The following ICE1 variants were observed in gnomAD, a reference collection of about 807,000 sequenced individuals.
The protein encoded by ICE1 is interactor of little elongation complex ELL subunit 1, also known as little elongation complex subunit 1.
A neutral mutation model predicts 192.7 loss-of-function variants in ICE1; 64 were observed. The ratio of observed to expected loss-of-function variants is 0.33; its 90% CI spans 0.27 to 0.41. The LOEUF (loss-of-function observed/expected upper bound fraction) is 0.41. Ranked by LOEUF, ICE1 falls within the 10% of genes least tolerant of loss-of-function variation. The pLI is 1.00. For missense variants in ICE1, 2,708 were observed against 2,696.0 expected (o/e 1.00, Z -0.10); for synonymous variants, 1,010 against 984.5 (o/e 1.03, Z -0.49).
Position 5,461,264 on chromosome 5 carries a change from A to C in ICE1, c.1930A>C (p.Asn644His). 6.2e-7 allele frequency: 1 copy of C among 1,613,928 alleles called. No homozygotes were observed. The highest frequency in any genetic ancestry group is 8.5e-7 in the Non-Finnish European group (1 of 1,179,848). Residue 644 changes from asparagine to histidine, a missense_variant, in exon 13 of 19, where the codon AAT (asparagine) becomes CAT (histidine). This residue lies in a region of ICE1 where 2,366 missense variants were observed against 2,276.6 expected (regional missense o/e 1.04). Coordinates refer to ENST00000296564, the MANE Select transcript of ICE1 (RefSeq NM_015325.3). ...CTTGGTAGCATTGTCTGTTGGCAGT[A>C]ATCCCCAGTCTTCTTCTGGGTTAGA... The part of the protein sequence containing the change: ...STLVALSVGS[N>H]PQSSSGLDCG...
At position 5,461,506 on chromosome 5, in the gene ICE1, A is replaced by G. The variant is rs72646681; in HGVS notation, c.2172A>G (p.Glu724=). 2,077 of 1,613,724 alleles carry G rather than the reference A, an allele frequency of 1.3e-3. 1 individual carries two copies. Among genetic ancestry groups the G allele is most frequent in the Non-Finnish European group, 1.6e-3 (1,943 of 1,179,750 alleles). The change falls in exon 13 of 19, where the codon GAA becomes GAG. Residue 724 remains glutamate (E), a synonymous_variant. Coordinates refer to ENST00000296564, the MANE Select transcript of ICE1 (RefSeq NM_015325.3). ...ATGATCAGAAGAGCAGTGGGATAGA[A>G]TATACAAAAGTAGTAAAAGGCTTGA... ...NFNDQKSSGI[E]YTKVVKGLTK...
intron 12 of ICE1, among the ~76,000 whole-genome samples, 189 bp downstream of exon 12, chr5:5,457,930 C>T (rs952690952): frequency 2.0e-5 from 3 of 152,130 alleles, no homozygotes; most frequent in African/African-American, 7.2e-5. Context: ...ATAATATGTA[C>T]TTTTTCACTT....
chr5:5,461,404 G>T lies in ICE1; in HGVS notation c.2070G>T (p.Pro690=). Residue 690 remains proline, a synonymous_variant, in exon 13 of 19, where the codon CCG becomes CCT. Transcript: ENST00000296564. ...LNTLHLQSEP[P]ECSIGGNNLE... ...CATTACATCTGCAGTCTGAGCCACC[G>T]GAGTGTTCTATAGGAGGAAACAACT... 1 of 1,613,962 alleles carries T rather than the reference G, an allele frequency of 6.2e-7. No individual in the cohort carries two copies. Among genetic ancestry groups the T allele is most frequent in the Non-Finnish European group, 8.5e-7 (1 of 1,179,888 alleles).
chr5:5,444,270 T>A lies in ICE1; in HGVS notation c.387-19T>A. On this transcript the variant is annotated intron_variant, in intron 6 of 18. Transcript: ENST00000296564. The stretch of plus-strand genomic sequence containing the variant: ...ATTCTCTCTTTCTTGCCATTTAACT[T>A]ACACAATTTCGTTATTAGGAAGAAG... 1 of 1,542,228 alleles carries A rather than the reference T, an allele frequency of 6.5e-7. No homozygotes were observed. Among genetic ancestry groups the A allele is most frequent in the Non-Finnish European group, 8.8e-7 (1 of 1,135,796 alleles).
Position 5,461,131 on chromosome 5 carries a change from T to C in ICE1, c.1797T>C (p.Thr599=), listed in dbSNP as rs1336196574. The stretch of plus-strand genomic sequence containing the variant: ...AATTGGAAAAGGAAAAAGAAGATAC[T>C]CAAGGGTTCACTTTAGGAGAATCAC... ...SRELEKEKED[T]QGFTLGESPE... The change falls in exon 13 of 19, where the codon ACT becomes ACC. Residue 599 remains threonine, a synonymous_variant. Transcript: ENST00000296564. 1 of 1,614,020 alleles carries C rather than the reference T, an allele frequency of 6.2e-7. No individual in the cohort carries two copies. The highest frequency in any genetic ancestry group is 8.5e-7 in the Non-Finnish European group (1 of 1,179,898).
intron 4 of ICE1, among the ~76,000 whole-genome samples, chr5:5,440,674 T>G (rs1378791981): frequency 2.0e-5 from 3 of 152,112 alleles, no homozygotes; most frequent in African/African-American, 7.2e-5. Flanking sequence ...TTTTTTTAAT[T>G]AGCCAGCTGT....
chr5:5,444,197 T>C, intron 6 of ICE1, 92 bp from the exon 7 acceptor site: 1 of 773,968 alleles, frequency 1.3e-6, no homozygotes, highest in Non-Finnish European at 2.2e-6. Flanking sequence ...TACAAATATT[T>C]GTAATTTAAA....
rs749483627 is a variant in ICE1 at position 5,461,651 on chromosome 5, G to T, written c.2317G>T (p.Gly773Cys). 1.2e-6 allele frequency: 2 copies of T among 1,613,652 alleles called. No homozygotes were observed. The highest frequency in any genetic ancestry group is 8.5e-7 in the Non-Finnish European group (1 of 1,179,806). ...TAAGCCAGATTTCACATCATTAATA[G>T]GTTCTCAGGCTGCCTTGATCAAGAG... Reference protein sequence around the residue: ...LNKPDFTSLIGSQAALIKSGL... With the variant: ...LNKPDFTSLICSQAALIKSGL... The change falls in exon 13 of 19, where the codon GGT becomes TGT. Residue 773 changes from glycine to cysteine, a missense_variant. Around this residue, in one of 2 missense-constraint regions of ICE1, gnomAD observed 2,366 missense variants for 2,276.6 expected, o/e 1.04. Transcript: ENST00000296564.
In ICE1 at chr5:5,473,792, G is replaced by T. The variant is rs758419405; in HGVS notation, c.6413+44G>T. ...TTAAATAAAGATATGTTATTGTAAG[G>T]TTGAATTGTTGAACACTGAATTGTG... is the stretch of plus-strand genomic sequence containing the variant. On this transcript the variant is annotated intron_variant, in intron 16 of 18. Transcript: ENST00000296564. 6 of 1,348,552 alleles carry T rather than the reference G, an allele frequency of 4.4e-6. No individual in the cohort carries two copies. The African/African-American group carries it at 4.5e-5, about 10-fold the overall frequency. 83.5% of individuals were successfully genotyped at this position (1,348,552 alleles called of 1,614,324 possible).
At position 5,463,586 on chromosome 5, in the gene ICE1, A is replaced by G; in HGVS notation, c.4252A>G (p.Ile1418Val). 3 of 1,614,016 alleles carry G rather than the reference A, an allele frequency of 1.9e-6. No individual in the cohort carries two copies. Among genetic ancestry groups the G allele is most frequent in the Non-Finnish European group, 1.7e-6 (2 of 1,179,876 alleles). Residue 1418 changes from isoleucine to valine, a missense_variant, in exon 13 of 19, where the codon ATT (isoleucine) becomes GTT (valine). Coordinates refer to ENST00000296564, the MANE Select transcript of ICE1 (RefSeq NM_015325.3). ...VLINKDQNLV[I>V]EKGDNWTIIS... Reference sequence around the variant, plus strand: ...TATAAATAAGGATCAGAATCTAGTCATTGAAAAGGGGGACAACTGGACAAT... The same window carrying G: ...TATAAATAAGGATCAGAATCTAGTCGTTGAAAAGGGGGACAACTGGACAAT...
intron 16 of ICE1, among the ~76,000 whole-genome samples, chr5:5,474,207 C>T (rs1365754361): frequency 7.0e-6 from 1 of 142,816 alleles, no homozygotes; most frequent in East Asian, 2.2e-4. Context: ...AAGACTTCAT[C>T]TCAAAAAAAA....
At chr5:5,487,835 G>C (rs893728751) in intron 18 of ICE1, among the ~76,000 whole-genome samples, 25 of 152,196 alleles carry the variant, frequency 1.6e-4, no homozygotes, top group African/African-American at 6.0e-4. Flanking sequence ...ATTAGACCTT[G>C]TGCATGGCAC....
Position 5,442,017 on chromosome 5 carries a change from C to T in ICE1, c.309+794C>T, listed in dbSNP as rs528417660. Reference sequence around the variant, plus strand: ...TGAGATGGAGCATTGGGAGAAGATGCCCACTTCAGATATGAAAATACGTAT... The same window carrying T: ...TGAGATGGAGCATTGGGAGAAGATGTCCACTTCAGATATGAAAATACGTAT... On this transcript the variant is annotated intron_variant, in intron 5 of 18. Transcript: ENST00000296564. Among the ~76,000 whole-genome samples the T allele has an allele frequency of 5.9e-5, 9 of 152,230 alleles. No individual in the cohort carries two copies. In the East Asian group the frequency reaches 1.5e-3, roughly 26 times the overall value.
At chr5:5,457,782 A>C in intron 12 of ICE1, 41 bp downstream of exon 12, 1 of 1,544,386 alleles carries the variant, frequency 6.5e-7, no homozygotes, top group Non-Finnish European at 8.9e-7. Context: ...AAGTGGGTAC[A>C]TTGTCTATCC....
intron 10 of ICE1, among the ~76,000 whole-genome samples, chr5:5,449,962 G>C (rs1738364570): frequency 6.6e-6 from 1 of 152,138 alleles, no homozygotes; most frequent in South Asian, 2.1e-4. Flanking sequence ...TGCAAGGCAG[G>C]GTCCCACAGA....
chr5:5,464,144 A>AT lies in ICE1; in HGVS notation c.4814dup (p.Leu1605PhefsTer5). 6.2e-7 allele frequency: 1 copy of AT among 1,613,642 alleles called. No individual in the cohort carries two copies. Among genetic ancestry groups the AT allele is most frequent in the Non-Finnish European group, 8.5e-7 (1 of 1,179,868 alleles). Reference sequence around the variant, plus strand: ...AACTCAAAGAAGCCAAACTCAGACCATTTTAGCAAATGCTGATACATCCAC... The same window carrying AT: ...AACTCAAAGAAGCCAAACTCAGACCATTTTTAGCAAATGCTGATACATCCAC... On this transcript the variant is annotated frameshift_variant, in exon 13 of 19. Coordinates refer to ENST00000296564, the MANE Select transcript of ICE1 (RefSeq NM_015325.3). LOFTEE classifies it high-confidence loss of function. The surrounding 1 kb of genome is among the most constrained non-coding windows in gnomAD (Gnocchi z 4.0).
At chr5:5,423,274 C>G (rs1191365035) in intron 1 of ICE1, among the ~76,000 whole-genome samples, 2 of 152,082 alleles carry the variant, frequency 1.3e-5, no homozygotes, top group Admixed American at 1.3e-4. Flanking sequence ...TTGGAGGGCC[C>G]CCCACCTTCC....
chr5:5,430,320 G>A (rs1737666164), intron 1 of ICE1, among the ~76,000 whole-genome samples: 1 of 152,178 alleles, frequency 6.6e-6, no homozygotes, highest in Admixed American at 6.5e-5. Context: ...TGTTTTATCA[G>A]AGTATTACAA....
chr5:5,457,254 G>T (rs1738612915), intron 11 of ICE1, 78 bp from the exon 12 acceptor site: 2 of 1,348,956 alleles, frequency 1.5e-6, no homozygotes, highest in Non-Finnish European at 2.0e-6. Flanking sequence ...TTGTAATAAG[G>T]TTTCTTTCTT....
Sources: allele counts gnomAD v4.1 joint callset (sites outside exome capture counted in the v4.1 genomes callset), GRCh38; gene constraint gnomAD v4.1.1; regional missense constraint gnomAD v4.1.1; non-coding constraint Gnocchi (gnomAD v3.1); transcripts MANE v1.5; gene names NCBI Gene and HGNC (gene_info 2026-07-23, HGNC 2026-07-21).